The following TFRC variants were observed in gnomAD, a reference collection of about 807,000 sequenced individuals.
The protein encoded by TFRC is transferrin receptor protein 1.
A neutral mutation model predicts 85.8 loss-of-function variants in TFRC; 35 were observed. The observed-to-expected ratio is 0.41, with a 90% CI of 0.31 to 0.54. The LOEUF (loss-of-function observed/expected upper bound fraction) is 0.54, where lower values mean the gene tolerates loss of function less well. Ranked by LOEUF, TFRC falls within the 20% of genes least tolerant of loss-of-function variation. The pLI is 0.31. For missense variants in TFRC, 828 were observed against 921.5 expected (o/e 0.90, Z 1.31); for synonymous variants, 362 against 328.6 (o/e 1.10, Z -1.10).
rs900565666 is a variant in TFRC, at chr3:196,050,160, T to G, written c.*1782A>C. 8.7e-6 allele frequency: 2 copies of G among 229,472 alleles called. No individual in the cohort carries two copies. The highest frequency in any genetic ancestry group is 1.7e-5 in the Non-Finnish European group (2 of 115,804). The allele number at this position is 229,472 out of a possible 1,614,324, so 14.2% of individuals were successfully genotyped here. A position where few individuals can be genotyped will look rare whatever the true frequency, so the allele number is the denominator to read the frequency against. ...TTAAAACTTGTCCGCACTAAGTTTA[T>G]AGGAGGTAACATGCAAATAATGTGA... On this transcript the variant is annotated 3_prime_UTR_variant, in exon 19 of 19. Transcript: ENST00000360110.
At chr3:196,059,454 A>G (rs1267116892) in intron 14 of TFRC, among the ~76,000 whole-genome samples, 4 of 152,170 alleles carry the variant, frequency 2.6e-5, no homozygotes, top group Admixed American at 1.3e-4. Context: ...CACCAACCTA[A>G]CTGGCAAATT....
In TFRC at chr3:196,051,338, G is replaced by C. The variant is rs1716287460; in HGVS notation, c.*604C>G. 2 of 220,016 alleles carry C rather than the reference G, an allele frequency of 9.1e-6. No homozygotes were observed. Among genetic ancestry groups the C allele is most frequent in the Non-Finnish European group, 1.8e-5 (2 of 109,684 alleles). The allele number at this position is 220,016 out of a possible 1,614,324, so 13.6% of individuals were successfully genotyped here. A position where few individuals can be genotyped will look rare whatever the true frequency, so the allele number is the denominator to read the frequency against. ...ATGACACTGAGGTTAACATATTAAGGCCTTATTCCTGCAATCAACAGTTGA... is the reference window on the plus strand; with the variant it reads ...ATGACACTGAGGTTAACATATTAAGCCCTTATTCCTGCAATCAACAGTTGA... On this transcript the variant is annotated 3_prime_UTR_variant, in exon 19 of 19. Transcript: ENST00000360110.
chr3:196,080,560 T>C (rs1237226102), intron 1 of TFRC, among the ~76,000 whole-genome samples: 3 of 152,228 alleles, frequency 2.0e-5, no homozygotes, highest in East Asian at 1.9e-4. Flanking sequence ...TTAACTAGCA[T>C]TGTGATCGAT....
chr3:196,053,506 C>T lies in TFRC; in HGVS notation c.1952G>A (p.Arg651His), dbSNP rs1716517216. The T allele has an allele frequency of 1.2e-6, 2 of 1,614,158 alleles. No individual in the cohort carries two copies. Among genetic ancestry groups the T allele is most frequent in the African/African-American group, 1.3e-5 (1 of 75,034 alleles). The change falls in exon 18 of 19, where the codon CGT becomes CAT. Residue 651 changes from arginine (R) to histidine (H), a missense_variant. Transcript: ENST00000360110. ...WLYSARGDFF[R>H]ATSRLTTDFG... ...ATCTGTTGTTAGTCTGGAAGTAGCA[C>T]GGAAGAAGTCTCCACGAGCAGAATA...
chr3:196,065,426 G>GGGT lies in TFRC; in HGVS notation c.1198+16_1198+17insACC. On this transcript the variant is annotated intron_variant, in intron 10 of 18. Transcript: ENST00000360110. ...CAAAAAAAAAGCGGGGCGGGGGGGGGGGGGGGCGGTCTTTACCTGGTTCTA... is the reference window on the plus strand; with the variant it reads ...CAAAAAAAAAGCGGGGCGGGGGGGGGGGTGGGGGGCGGTCTTTACCTGGTTCTA... The GGGT allele has an allele frequency of 7.2e-6, 5 of 692,206 alleles. No homozygotes were observed. Among genetic ancestry groups the GGGT allele is most frequent in the Non-Finnish European group, 9.8e-6 (5 of 509,644 alleles). 42.9% of individuals were successfully genotyped at this position (692,206 alleles called of 1,614,324 possible). A position where few individuals can be genotyped will look rare whatever the true frequency, so the allele number is the denominator to read the frequency against.
At chr3:196,069,424 T>C (rs112706523) in intron 7 of TFRC, 31 bp downstream of exon 7, 14 of 1,270,798 alleles carry the variant, frequency 1.1e-5, no homozygotes, top group African/African-American at 4.5e-5. Context: ...CCAAAAGTAC[T>C]GTATTTAATA....
intron 13 of TFRC, among the ~76,000 whole-genome samples, chr3:196,061,739 C>T (rs1294842963): frequency 6.6e-6 from 1 of 152,196 alleles, no homozygotes; most frequent in Non-Finnish European, 1.5e-5. Context: ...ATCCGCCTGC[C>T]TTGGCCTCCC....
intron 3 of TFRC, 93 bp downstream of exon 3, chr3:196,075,066 A>G (rs1184761279): frequency 1.8e-6 from 1 of 546,056 alleles, no homozygotes; most frequent in African/African-American, 1.8e-5. Flanking sequence ...AAAAAAAAAA[A>G]TAAGGTACAA....
intron 16 of TFRC, among the ~76,000 whole-genome samples, chr3:196,056,191 A>AG (rs41297531): frequency 0.32 from 48,005 of 152,014 alleles, 7,688 homozygotes; most frequent in South Asian, 0.35. Flanking sequence ...CCACTGGGCC[A>AG]CTTAATTTAA....
At position 196,060,208 on chromosome 3, in the gene TFRC, T is replaced by C. The variant is rs1380503804; in HGVS notation, c.1508A>G (p.Tyr503Cys). 4.3e-6 allele frequency: 7 copies of C among 1,614,156 alleles called. No homozygotes were observed. In the South Asian group the frequency reaches 4.4e-5, roughly 10 times the overall value. ...TTGCATTGTTTTCTCAATAAGCGTATACAACAGTGGGCTGGCAGAAACCTT... is the reference window on the plus strand; with the variant it reads ...TTGCATTGTTTTCTCAATAAGCGTACACAACAGTGGGCTGGCAGAAACCTT... ...NFKVSASPLLYTLIEKTMQNV... is the reference protein window; with the variant it reads ...NFKVSASPLLCTLIEKTMQNV... Residue 503 changes from tyrosine to cysteine, a missense_variant, in exon 14 of 19, where the codon TAT (tyrosine) becomes TGT (cysteine). Physicochemically the swap from Tyr to Cys is radical, Grantham distance 194. Transcript: ENST00000360110.
At chr3:196,059,458 G>A (rs1198927017) in intron 14 of TFRC, among the ~76,000 whole-genome samples, 1 of 152,080 alleles carries the variant, frequency 6.6e-6, no homozygotes, top group Non-Finnish European at 1.5e-5. Context: ...AACCTAACTG[G>A]CAAATTCATG....
chr3:196,063,066 T>G, intron 11 of TFRC, 127 bp from the exon 12 acceptor site: 1 of 640,588 alleles, frequency 1.6e-6, no homozygotes, highest in Non-Finnish European at 2.5e-6. Flanking sequence ...CTTTTTTTTC[T>G]GAGCCAAAAA....
At chr3:196,075,074 C>CAAA in intron 3 of TFRC, 85 bp downstream of exon 3, 2 of 734,048 alleles carry the variant, frequency 2.7e-6, no homozygotes, top group Non-Finnish European at 4.2e-6. Context: ...AAATAAGGTA[C>CAAA]AAAATAACTA....
chr3:196,074,112 G>C lies in TFRC; in HGVS notation c.252C>G (p.Gly84=). The change falls in exon 4 of 19, where the codon GGC becomes GGG. Residue 84 remains glycine, a synonymous_variant. Coordinates refer to ENST00000360110, the MANE Select transcript of TFRC (RefSeq NM_001128148.3). ...CTACCCCTTTACAATAGCCCAAGTAGCCAATCATAAATCCTAAAGAGACAA... is the reference window on the plus strand; with the variant it reads ...CTACCCCTTTACAATAGCCCAAGTACCCAATCATAAATCCTAAAGAGACAA... The part of the protein sequence containing the change: ...IVFFLIGFMI[G]YLGYCKGVEP... 5.0e-6 allele frequency: 8 copies of C among 1,612,798 alleles called. No homozygotes were observed. Among genetic ancestry groups the C allele is most frequent in the Non-Finnish European group, 6.8e-6 (8 of 1,179,374 alleles).
intron 5 of TFRC, 47 bp downstream of exon 5, chr3:196,071,956 G>A: frequency 2.5e-6 from 4 of 1,587,630 alleles, no homozygotes; most frequent in Non-Finnish European, 3.4e-6. Context: ...TAGCACACCT[G>A]AAAATAGCTA....
At chr3:196,076,251 GT>G (rs1055677071) in intron 2 of TFRC, among the ~76,000 whole-genome samples, 1 of 151,810 alleles carries the variant, frequency 6.6e-6, no homozygotes, top group Admixed American at 6.6e-5. Flanking sequence ...CTGGATGGCT[GT>G]TTTTTTTGTA....
At chr3:196,069,904 A>G (rs1008076998) in intron 6 of TFRC, among the ~76,000 whole-genome samples, 12 of 152,216 alleles carry the variant, frequency 7.9e-5, no homozygotes, top group African/African-American at 2.7e-4. Context: ...CATCATAGAA[A>G]TAGGTTTTAA....
chr3:196,050,651 A>T lies in TFRC; in HGVS notation c.*1291T>A, dbSNP rs1435789452. The T allele has an allele frequency of 4.9e-6, 1 of 204,168 alleles. No individual in the cohort carries two copies. Among genetic ancestry groups the T allele is most frequent in the African/African-American group, 2.3e-5 (1 of 43,808 alleles). 12.6% of individuals were successfully genotyped at this position (204,168 alleles called of 1,614,324 possible). A position where few individuals can be genotyped will look rare whatever the true frequency, so the allele number is the denominator to read the frequency against. ...CTGGAAATTTTGCAAAATGGGAATT[A>T]GAGTTACACCTTGGATAAACTGAGC... On this transcript the variant is annotated 3_prime_UTR_variant, in exon 19 of 19. Transcript: ENST00000360110.
At chr3:196,057,009 A>G (rs1716850441) in intron 16 of TFRC, among the ~76,000 whole-genome samples, 1 of 152,094 alleles carries the variant, frequency 6.6e-6, no homozygotes, top group African/African-American at 2.4e-5. Flanking sequence ...TTTAGCAGAG[A>G]CGGGGTTTCA....
Sources: gnomAD v4.1 joint callset for allele counts (sites outside exome capture counted in the v4.1 genomes callset) on GRCh38, gnomAD v4.1.1 for gene constraint, MANE v1.5 for transcripts, NCBI Gene and HGNC (gene_info 2026-07-23, HGNC 2026-07-21) for gene names.